The following EYS variants were observed in gnomAD, a reference collection of about 807,000 sequenced individuals.
The protein encoded by EYS is EGF-like photoreceptor maintenance factor.
In EYS, 250 loss-of-function variants were observed where a neutral mutation model predicts 282.1. That is an observed-to-expected ratio of 0.89 (90% confidence interval 0.80 to 0.98). EYS has a LOEUF of 0.98. Among genes scored for constraint, EYS ranks in the 50% least tolerant of loss-of-function variants. The pLI is 0.00. For synonymous variants in EYS, 1,355 were observed against 1,282.9 expected (o/e 1.06, Z -1.20); for missense variants, 4,016 against 3,709.0 (o/e 1.08, Z -2.15).
intron 28 of EYS, among the ~76,000 whole-genome samples, chr6:64,429,866 T>A (rs2150458716): frequency 6.6e-6 from 1 of 152,306 alleles, no homozygotes; most frequent in Admixed American, 6.5e-5. Context: ...AAATCAATTG[T>A]TCATTTTTTA....
At position 63,788,237 on chromosome 6, in the gene EYS, T is replaced by C. The variant is rs1037212478; in HGVS notation, c.7591A>G (p.Lys2531Glu). Residue 2531 changes from lysine (K) to glutamate (E), a missense_variant, in exon 39 of 43, where the codon AAA (lysine) becomes GAA (glutamate). Physicochemically the swap from Lys to Glu is moderately conservative, Grantham distance 56. Coordinates refer to ENST00000503581, the MANE Select transcript of EYS (RefSeq NM_001142800.2). ...CCTGGGGCGATAATGGATTTATTTT[T>C]ATGATCATCTACCTTCGAAAGGGAA... ...QEGWLKVDDH[K>E]NKSIIAPGRL... The C allele has an allele frequency of 8.6e-5, 132 of 1,535,438 alleles. No homozygotes were observed. Among genetic ancestry groups the C allele is most frequent in the Non-Finnish European group, 1.1e-4 (130 of 1,142,532 alleles).
intron 11 of EYS, among the ~76,000 whole-genome samples, chr6:65,320,354 G>A (rs975081415): frequency 8.5e-5 from 13 of 152,130 alleles, no homozygotes; most frequent in Admixed American, 2.6e-4. Flanking sequence ...TCTAGTTCAT[G>A]CCATCAGGTA....
intron 18 of EYS, among the ~76,000 whole-genome samples, chr6:64,900,035 A>G (rs1019849233): frequency 1.3e-5 from 2 of 152,196 alleles, no homozygotes; most frequent in African/African-American, 4.8e-5. Flanking sequence ...AAACAGATAT[A>G]TAGACCAATG....
intron 35 of EYS, among the ~76,000 whole-genome samples, chr6:63,911,033 A>C (rs1178704559): frequency 6.6e-6 from 1 of 152,184 alleles, no homozygotes; most frequent in African/African-American, 2.4e-5. Context: ...AGAGAGAAAC[A>C]AACATTTGGT....
At chr6:63,876,856 G>A (rs1300969388) in intron 35 of EYS, among the ~76,000 whole-genome samples, 2 of 152,098 alleles carry the variant, frequency 1.3e-5, no homozygotes, top group Non-Finnish European at 2.9e-5. Flanking sequence ...TTGAGCCTAT[G>A]TGTGTCTCTG....
chr6:64,349,469 G>C (rs1316702242), intron 29 of EYS, among the ~76,000 whole-genome samples: 1 of 150,938 alleles, frequency 6.6e-6, no homozygotes, highest in Non-Finnish European at 1.5e-5. Context: ...AATAATACTT[G>C]TTTTCAGCCT....
intron 29 of EYS, among the ~76,000 whole-genome samples, chr6:64,337,057 CCTCAAGGA>C (rs1429035047): frequency 6.6e-6 from 1 of 151,942 alleles, no homozygotes; most frequent in Non-Finnish European, 1.5e-5. Flanking sequence ...TAAGGTCACA[CCTCAAGGA>C]ACTAAAGAAA....
At chr6:65,221,355 A>G (rs1176056677) in intron 12 of EYS, among the ~76,000 whole-genome samples, 3 of 152,172 alleles carry the variant, frequency 2.0e-5, no homozygotes, top group East Asian at 1.9e-4. Context: ...TTCCAGGCCT[A>G]GGGCCATGCT....
intron 10 of EYS, among the ~76,000 whole-genome samples, chr6:65,341,326 C>T (rs769292604): frequency 6.6e-6 from 1 of 151,138 alleles, no homozygotes; most frequent in Non-Finnish European, 1.5e-5. Context: ...TAAGTTTTCA[C>T]GGGTTCTTCT....
chr6:64,477,575 C>T (rs891429717), intron 26 of EYS, among the ~76,000 whole-genome samples: 1 of 152,050 alleles, frequency 6.6e-6, no homozygotes, highest in African/African-American at 2.4e-5. Context: ...TCCTGACCCA[C>T]GGCCACCCTT....
At chr6:65,086,204 T>C (rs1041494026) in intron 12 of EYS, among the ~76,000 whole-genome samples, 1 of 152,072 alleles carries the variant, frequency 6.6e-6, no homozygotes, top group African/African-American at 2.4e-5. Context: ...TAATTCCACC[T>C]ATTTGAGAGG....
In EYS at chr6:64,360,575, T is replaced by C. The variant is rs1218649765; in HGVS notation, c.6078+28115A>G. 2.0e-5 allele frequency among the ~76,000 whole-genome samples: 3 copies of C among 151,874 alleles called. No individual in the cohort carries two copies. The East Asian group carries it at 5.9e-4, about 30-fold the overall frequency. ...TCTCAGCTGTGAATACATTTTTTTG[T>C]CAGGTTAAAATTTTTGGAAATTCAA... is the stretch of plus-strand genomic sequence containing the variant. On this transcript the variant is annotated intron_variant, in intron 29 of 42. Transcript: ENST00000503581.
Position 64,569,109 on chromosome 6 carries a change from G to T in EYS, c.5644+21114C>A, listed in dbSNP as rs543833070. 7.0e-4 allele frequency among the ~76,000 whole-genome samples: 105 copies of T among 150,620 alleles called. 2 individuals are homozygous for T. The highest frequency in any genetic ancestry group is 1.5e-3 in the Non-Finnish European group (100 of 67,758). On this transcript the variant is annotated intron_variant, in intron 26 of 42. Transcript: ENST00000503581. ...GTTCTCCAAAGGATCAGAACTCCTT[G>T]CCAGGAAGGTCACAAAACTGACGGA... is the stretch of plus-strand genomic sequence containing the variant.
intron 15 of EYS, among the ~76,000 whole-genome samples, chr6:64,929,571 G>A (rs1325247324): frequency 1.3e-5 from 2 of 152,016 alleles, no homozygotes; most frequent in Non-Finnish European, 2.9e-5. Flanking sequence ...AGGCCTATTT[G>A]TACAATAATT....
chr6:64,930,002 A>G (rs1301145266), intron 15 of EYS, among the ~76,000 whole-genome samples: 6 of 152,190 alleles, frequency 3.9e-5, no homozygotes, highest in Non-Finnish European at 8.8e-5. Flanking sequence ...CAAGAACAAA[A>G]TGATACAAAC....
chr6:65,402,596 A>G lies in EYS; in HGVS notation c.1066T>C (p.Cys356Arg). ...DCIKISNDVM[C>R]ICSPIFTDLL... ...TCTGTAAATATTGGTGAACAGATGC[A>G]CATAACATCCTAGGAAAGATTAAAA... is the stretch of plus-strand genomic sequence containing the variant. The change falls in exon 7 of 43, where the codon TGC becomes CGC. Residue 356 changes from cysteine to arginine, a missense_variant. Coordinates refer to ENST00000503581, the MANE Select transcript of EYS (RefSeq NM_001142800.2). The G allele has an allele frequency of 6.4e-7, 1 of 1,574,344 alleles. No homozygotes were observed. The highest frequency in any genetic ancestry group is 8.7e-7 in the Non-Finnish European group (1 of 1,145,104).
Position 64,010,691 on chromosome 6 carries a change from C to T in EYS, c.6726-11508G>A, listed in dbSNP as rs199643840. ...TTTTGTGTACTCCCATTCTTCATGT[C>T]CTGTGTTCTTCTGCTGTGCCCAACC... On this transcript the variant is annotated intron_variant, in intron 33 of 42. Coordinates refer to ENST00000503581, the MANE Select transcript of EYS (RefSeq NM_001142800.2). Among the ~76,000 whole-genome samples, 21 of 152,136 alleles carry T rather than the reference C, an allele frequency of 1.4e-4. No individual in the cohort carries two copies. In the East Asian group the frequency reaches 2.1e-3, roughly 15 times the overall value.
intron 5 of EYS, among the ~76,000 whole-genome samples, chr6:65,462,721 T>C (rs945098480): frequency 1.6e-4 from 25 of 152,052 alleles, no homozygotes; most frequent in Non-Finnish European, 1.2e-4. Context: ...TCATAGTCAT[T>C]AAATTTAAAA....
At chr6:65,650,328 A>G (rs898163933) in intron 1 of EYS, among the ~76,000 whole-genome samples, 1 of 152,210 alleles carries the variant, frequency 6.6e-6, no homozygotes, top group East Asian at 1.9e-4. Context: ...TCTGAAGGTT[A>G]TAAGGCTATA....
Sources: allele counts gnomAD v4.1 joint callset (sites outside exome capture counted in the v4.1 genomes callset), GRCh38; gene constraint gnomAD v4.1.1; transcripts MANE v1.5; gene names NCBI Gene and HGNC (gene_info 2026-07-23, HGNC 2026-07-21).